Variants in GCNT2 observed in about 807,000 individuals in gnomAD.
The protein encoded by GCNT2 is glucosaminyl (N-acetyl) transferase 2 (I blood group).
A neutral mutation model predicts 34.2 loss-of-function variants in GCNT2; 34 were observed. The ratio of observed to expected loss-of-function variants is 1.00; its 90% confidence interval spans 0.76 to 1.32. GCNT2 has a LOEUF of 1.32. Ranked by LOEUF, GCNT2 falls within the 40% of genes most tolerant of loss-of-function variation. The pLI is 0.00. For synonymous variants in GCNT2, 212 were observed against 188.0 expected (o/e 1.13, Z -1.04); for missense variants, 584 against 489.4 (o/e 1.19, Z -1.82).
chr6:10,603,836 TTTTAA>T (rs1765187949), intron 3 of GCNT2, among the ~76,000 whole-genome samples: 1 of 114,744 alleles, frequency 8.7e-6, no homozygotes, highest in Admixed American at 9.3e-5. Context: ...TTTTTTTTTT[TTTTAA>T]TAATGCTATC....
chr6:10,589,717 C>T lies in GCNT2; in HGVS notation c.926-31634C>T, dbSNP rs116586445. Among the ~76,000 whole-genome samples, 113 of 152,236 alleles carry T rather than the reference C, an allele frequency of 7.4e-4. 2 individuals are homozygous for T. Among genetic ancestry groups the T allele is most frequent in the African/African-American group, 2.6e-3 (106 of 41,532 alleles). ...CTACCAATGTTAATACTTCCTTGTA[C>T]ATCTTTCCAGAGGTACTTTATTATG... On this transcript the variant is annotated intron_variant, in intron 3 of 4. Transcript: ENST00000495262.
chr6:10,529,968 ATTTC>A, intron 3 of GCNT2, 132 bp downstream of exon 3: 1 of 755,578 alleles, frequency 1.3e-6, no homozygotes, highest in Non-Finnish European at 2.2e-6. Context: ...TAAAAAAAAA[ATTTC>A]ATCTGTAAAA....
intron 3 of GCNT2, among the ~76,000 whole-genome samples, chr6:10,620,200 C>G (rs1181975360): frequency 6.6e-6 from 1 of 152,106 alleles, no homozygotes; most frequent in East Asian, 1.9e-4. Context: ...ATTATTCTGC[C>G]TACCACAATA....
At chr6:10,575,425 G>A (rs372919074) in intron 3 of GCNT2, among the ~76,000 whole-genome samples, 18 of 149,428 alleles carry the variant, frequency 1.2e-4, no homozygotes, top group African/African-American at 4.0e-4. Context: ...GCAATGGCGC[G>A]TTCTCAGCTC....
intron 3 of GCNT2, among the ~76,000 whole-genome samples, chr6:10,618,735 AC>A (rs904100800): frequency 1.7e-5 from 2 of 120,082 alleles, no homozygotes; most frequent in African/African-American, 6.0e-5. Flanking sequence ...TGTGTTAAGA[AC>A]AAAACAAGGT....
At chr6:10,532,457 TCTCA>T (rs1234694615) in intron 3 of GCNT2, among the ~76,000 whole-genome samples, 2 of 152,124 alleles carry the variant, frequency 1.3e-5, no homozygotes, top group Non-Finnish European at 2.9e-5. Context: ...TTTTTTTGGA[TCTCA>T]CTCTGTCATC....
chr6:10,586,229 G>A, intron 3 of GCNT2: 1 of 1,614,156 alleles, frequency 6.2e-7, no homozygotes, highest in South Asian at 1.1e-5. Context: ...ACCTGACCCA[G>A]AATCACTACA....
rs1491129469 is a variant in GCNT2, at chr6:10,534,139, C to CTT, written c.925+4304_925+4305insTT. On this transcript the variant is annotated intron_variant, in intron 3 of 4. Coordinates refer to ENST00000495262, the MANE Select transcript of GCNT2 (RefSeq NM_145649.5). ...CTGGTATCTGCCAGATTCCATGCTG[C>CTT]TCTTTTTTTTTTTTTTTTTTAAGAT... is the stretch of plus-strand genomic sequence containing the variant. Among the ~76,000 whole-genome samples the CTT allele has an allele frequency of 6.2e-3, 762 of 123,218 alleles. 90 individuals are homozygous for CTT. Among genetic ancestry groups the CTT allele is most frequent in the African/African-American group, 0.02 (697 of 34,254 alleles). The allele number at this position is 123,218 out of a possible 152,430, so 80.8% of individuals were successfully genotyped here. A position where few individuals can be genotyped will look rare whatever the true frequency, so the allele number is the denominator to read the frequency against.
At chr6:10,622,952 A>C (rs1766102207) in intron 4 of GCNT2, among the ~76,000 whole-genome samples, 1 of 151,814 alleles carries the variant, frequency 6.6e-6, no homozygotes, top group African/African-American at 2.4e-5. Flanking sequence ...ACGGGGCTTC[A>C]CCATGTTGGC....
intron 3 of GCNT2, among the ~76,000 whole-genome samples, chr6:10,569,978 T>C (rs1763484007): frequency 6.6e-6 from 1 of 151,534 alleles, no homozygotes; most frequent in Admixed American, 6.6e-5. Flanking sequence ...CTTTCTCTCT[T>C]TCTTTCTTCC....
chr6:10,540,074 T>G (rs1761967915), intron 3 of GCNT2, among the ~76,000 whole-genome samples: 1 of 129,382 alleles, frequency 7.7e-6, no homozygotes. Context: ...TGAGACCCCA[T>G]CTCAAAAAAA....
intron 3 of GCNT2, among the ~76,000 whole-genome samples, chr6:10,599,636 C>T (rs1193670593): frequency 6.6e-6 from 1 of 152,126 alleles, no homozygotes; most frequent in Non-Finnish European, 1.5e-5. Flanking sequence ...TCCCCTCTCT[C>T]CAAGAGTAGG....
At chr6:10,617,965 G>A (rs1184229558) in intron 3 of GCNT2, among the ~76,000 whole-genome samples, 2 of 151,236 alleles carry the variant, frequency 1.3e-5, no homozygotes, top group African/African-American at 4.9e-5. Context: ...ACGTTGGACA[G>A]GCTGGTCTTG....
intron 3 of GCNT2, among the ~76,000 whole-genome samples, chr6:10,551,457 T>A (rs11969703): frequency 0.031 from 4,749 of 150,900 alleles, 237 homozygotes; most frequent in African/African-American, 0.11. Flanking sequence ...ATTTATTTTT[T>A]TTTTTTGAGA....
chr6:10,534,569 G>A (rs1411611855), intron 3 of GCNT2, among the ~76,000 whole-genome samples: 2 of 152,106 alleles, frequency 1.3e-5, no homozygotes, highest in African/African-American at 4.8e-5. Context: ...CTCTCAGGCT[G>A]CGGCTGACGT....
intron 3 of GCNT2, among the ~76,000 whole-genome samples, chr6:10,587,997 G>A (rs1209797394): frequency 6.6e-6 from 1 of 152,124 alleles, no homozygotes; most frequent in Non-Finnish European, 1.5e-5. Flanking sequence ...ATTATCATTG[G>A]CATACTTTCA....
chr6:10,524,556 A>G (rs1358531675), intron 1 of GCNT2, among the ~76,000 whole-genome samples: 3 of 152,238 alleles, frequency 2.0e-5, no homozygotes, highest in Admixed American at 6.5e-5. Flanking sequence ...TTAAAAAGAA[A>G]TAGTGATGAG....
chr6:10,565,638 G>T (rs989433056), intron 3 of GCNT2, among the ~76,000 whole-genome samples: 11 of 152,028 alleles, frequency 7.2e-5, no homozygotes, highest in Non-Finnish European at 1.0e-4. Flanking sequence ...TTGCCTTTTC[G>T]CAATGTATCT....
chr6:10,571,067 A>G (rs1043019561), intron 3 of GCNT2, among the ~76,000 whole-genome samples: 4 of 152,182 alleles, frequency 2.6e-5, no homozygotes, highest in Non-Finnish European at 5.9e-5. Context: ...CTTAGAGAAC[A>G]TCCTCTAATC....
Sources: allele counts gnomAD v4.1 joint callset (sites outside exome capture counted in the v4.1 genomes callset), GRCh38; gene constraint gnomAD v4.1.1; transcripts MANE v1.5; gene names NCBI Gene and HGNC (gene_info 2026-07-23, HGNC 2026-07-21).